Variants in CUEDC1 observed in about 807,000 individuals in gnomAD.
CUEDC1 encodes CUE domain containing 1, also known as CUE domain-containing protein 1.
Under a neutral mutation model 43.7 loss-of-function variants are expected in CUEDC1, and 30 were observed. The observed-to-expected ratio is 0.69, with a 90% CI of 0.51 to 0.93. The LOEUF (loss-of-function observed/expected upper bound fraction) is 0.93, where lower values mean the gene tolerates loss of function less well. Among genes scored for constraint, CUEDC1 ranks in the 40% least tolerant of loss-of-function variants. CUEDC1 has a pLI of 0.00. For missense variants in CUEDC1, 486 were observed against 549.0 expected (o/e 0.89, Z 1.15); for synonymous variants, 223 against 223.6 (o/e 1.00, Z 0.02).
intron 1 of CUEDC1, among the ~76,000 whole-genome samples, chr17:57,915,533 A>G (rs146358586): frequency 6.6e-6 from 1 of 152,326 alleles, no homozygotes; most frequent in East Asian, 1.9e-4. Flanking sequence ...AATGAGGTTA[A>G]TGTGGCTACG....
intron 1 of CUEDC1, among the ~76,000 whole-genome samples, chr17:57,917,513 C>T (rs541405084): frequency 7.0e-4 from 106 of 152,280 alleles, no homozygotes; most frequent in African/African-American, 2.4e-3. Context: ...GAACAAAAAC[C>T]AAGGATAACA....
intron 1 of CUEDC1, among the ~76,000 whole-genome samples, chr17:57,904,972 G>A (rs552677734): frequency 3.9e-5 from 6 of 152,244 alleles, no homozygotes; most frequent in Admixed American, 6.5e-5. Context: ...AGAGTCAAGC[G>A]GCCAAGATGC....
rs928582836 is a variant in CUEDC1, at chr17:57,862,233, C to T, written c.*1056G>A. On this transcript the variant is annotated 3_prime_UTR_variant, in exon 11 of 11. Coordinates refer to ENST00000577830, the MANE Select transcript of CUEDC1 (RefSeq NM_001271875.2). ...CAGTGGTCAGTGCCGTGTAAGCGTT[C>T]CTAGAATCAGAGTTCTCCTCCTCAG... The T allele has an allele frequency of 1.3e-5, 2 of 152,488 alleles. No individual in the cohort carries two copies. Among genetic ancestry groups the T allele is most frequent in the Non-Finnish European group, 2.9e-5 (2 of 68,260 alleles). The allele number at this position is 152,488 out of a possible 1,614,324, so 9.4% of individuals were successfully genotyped here.
rs1176341812 is a variant in CUEDC1, at chr17:57,930,559, A to G, written c.-316+24666T>C. Among the ~76,000 whole-genome samples the G allele has an allele frequency of 6.6e-6, 1 of 152,246 alleles. No homozygotes were observed. Among genetic ancestry groups the G allele is most frequent in the African/African-American group, 2.4e-5 (1 of 41,464 alleles). ...ACCCACAACCACAGCAAGAGGAGGG[A>G]GGATTTTGAGAAAACTGTGCCCACT... On this transcript the variant is annotated intron_variant, in intron 1 of 10. Coordinates refer to ENST00000577830, the MANE Select transcript of CUEDC1 (RefSeq NM_001271875.2). The surrounding 1 kb of genome is among the most constrained non-coding windows in gnomAD (Gnocchi z 4.2).
At chr17:57,868,057 G>C (rs2073985084) in intron 8 of CUEDC1, 93 bp downstream of exon 8, 6 of 1,077,602 alleles carry the variant, frequency 5.6e-6, no homozygotes, top group Admixed American at 5.3e-5. Flanking sequence ...TCCACTCCCA[G>C]GGGAGGGCAC....
intron 1 of CUEDC1, among the ~76,000 whole-genome samples, chr17:57,906,779 C>T (rs925702169): frequency 1.3e-5 from 2 of 151,940 alleles, no homozygotes; most frequent in Non-Finnish European, 2.9e-5. Context: ...CGAGACCAGC[C>T]TGGCCAACAT....
chr17:57,865,562 A>T (rs1208016368), intron 10 of CUEDC1, among the ~76,000 whole-genome samples: 2 of 152,188 alleles, frequency 1.3e-5, no homozygotes, highest in Admixed American at 1.3e-4. Flanking sequence ...CTCCCATGGT[A>T]AACGGGGGCT....
intron 1 of CUEDC1, among the ~76,000 whole-genome samples, chr17:57,933,654 C>A (rs931700298): frequency 2.6e-5 from 4 of 152,158 alleles, no homozygotes; most frequent in Admixed American, 6.5e-5. Flanking sequence ...GGATGCAGGG[C>A]TAGGTATACT....
intron 9 of CUEDC1, chr17:57,866,760 G>A (rs2073965136): frequency 1.8e-6 from 1 of 556,090 alleles, no homozygotes; most frequent in Non-Finnish European, 3.2e-6. Context: ...CTGAGACCTT[G>A]GACAAGTTCT....
chr17:57,921,241 A>G (rs1225867298), intron 1 of CUEDC1, among the ~76,000 whole-genome samples: 1 of 146,692 alleles, frequency 6.8e-6, no homozygotes, highest in African/African-American at 2.7e-5. Context: ...CCTCTGCTAT[A>G]AAATGGGGGG....
chr17:57,940,038 T>C (rs2074902991), intron 1 of CUEDC1, among the ~76,000 whole-genome samples: 4 of 152,024 alleles, frequency 2.6e-5, no homozygotes, highest in Admixed American at 2.6e-4. Context: ...GTTACTTGCC[T>C]TCAGTAGAGT....
chr17:57,882,714 T>A (rs1303729412), intron 2 of CUEDC1, among the ~76,000 whole-genome samples: 4 of 152,222 alleles, frequency 2.6e-5, no homozygotes, highest in Non-Finnish European at 5.9e-5. Flanking sequence ...AAGATGAGGA[T>A]GAAGCCCTTT....
At chr17:57,910,248 GT>G (rs938563283) in intron 1 of CUEDC1, among the ~76,000 whole-genome samples, 4 of 151,656 alleles carry the variant, frequency 2.6e-5, no homozygotes, top group African/African-American at 9.7e-5. Flanking sequence ...CATGGAGTAA[GT>G]TTTTTTTTCT....
rs1319627570 is a variant in CUEDC1 at position 57,887,501 on chromosome 17, T to TG, written c.-315-1623_-315-1622insC. On this transcript the variant is annotated intron_variant, in intron 1 of 10. Transcript: ENST00000577830. ...ACAATCTTAACAGCTGATACAGAAA[T>TG]TTTTTTTTTTTTTTCGGTCTCACTT... Among the ~76,000 whole-genome samples, 4 of 18,438 alleles carry TG rather than the reference T, an allele frequency of 2.2e-4. No individual in the cohort carries two copies. In the East Asian group the frequency reaches 0.29, roughly 1,317 times the overall value. 12.1% of individuals were successfully genotyped at this position (18,438 alleles called of 152,430 possible).
At chr17:57,908,483 A>G (rs571494320) in intron 1 of CUEDC1, among the ~76,000 whole-genome samples, 1 of 152,322 alleles carries the variant, frequency 6.6e-6, no homozygotes, top group South Asian at 2.1e-4. Flanking sequence ...GTTTAGCCAC[A>G]TATCTCCAAT....
chr17:57,869,520 G>A (rs1303985607), intron 6 of CUEDC1, among the ~76,000 whole-genome samples: 2 of 152,190 alleles, frequency 1.3e-5, no homozygotes, highest in Non-Finnish European at 2.9e-5. Flanking sequence ...TTTCCACCAT[G>A]GAGGTCACCA....
At chr17:57,872,441 C>T (rs1177584622) in intron 5 of CUEDC1, among the ~76,000 whole-genome samples, 3 of 152,040 alleles carry the variant, frequency 2.0e-5, no homozygotes, top group Non-Finnish European at 2.9e-5. Context: ...CATCCTTCTT[C>T]CTCTGAGTCC....
In CUEDC1 at chr17:57,873,571, G is replaced by A. The variant is rs1238141710; in HGVS notation, c.591+20C>T. ...CTGGACAAGCAGGTGGGAGTGGAAGGCGGGGGCGGCCCCTGTTACCTGTAT... is the reference window on the plus strand; with the variant it reads ...CTGGACAAGCAGGTGGGAGTGGAAGACGGGGGCGGCCCCTGTTACCTGTAT... On this transcript the variant is annotated intron_variant, in intron 4 of 10. Coordinates refer to ENST00000577830, the MANE Select transcript of CUEDC1 (RefSeq NM_001271875.2). 5 of 1,529,682 alleles carry A rather than the reference G, an allele frequency of 3.3e-6. No individual in the cohort carries two copies. The highest frequency in any genetic ancestry group is 2.5e-5 in the South Asian group (2 of 79,704). 94.8% of individuals were successfully genotyped at this position (1,529,682 alleles called of 1,614,324 possible).
intron 1 of CUEDC1, among the ~76,000 whole-genome samples, chr17:57,936,612 G>A (rs1954210269): frequency 1.3e-5 from 2 of 152,080 alleles, no homozygotes; most frequent in Admixed American, 1.3e-4. Context: ...CTGGCTCCAG[G>A]GCTGTTTCCA....
Sources: allele counts gnomAD v4.1 joint callset (sites outside exome capture counted in the v4.1 genomes callset), GRCh38; gene constraint gnomAD v4.1.1; non-coding constraint Gnocchi (gnomAD v3.1); transcripts MANE v1.5; gene names NCBI Gene and HGNC (gene_info 2026-07-23, HGNC 2026-07-21).